Variants in LOXL2 observed in about 807,000 individuals in gnomAD.
LOXL2 encodes lysyl oxidase like 2, also known as lysyl oxidase homolog 2.
LOXL2 carries 70 observed loss-of-function variants against 93.0 expected under a neutral mutation model. That is an observed-to-expected ratio of 0.75 (90% CI 0.62 to 0.92). The LOEUF is 0.92. LOXL2 is among the 40% of genes least tolerant of loss of function. LOXL2 has a pLI of 0.00. For synonymous variants in LOXL2, 438 were observed against 413.2 expected, an observed-to-expected ratio of 1.06 and a Z score of -0.73; for missense variants, 973 against 1,054.9, an observed-to-expected ratio of 0.92 and a Z score of 1.08.
At chr8:23,299,591 G>A (rs901665087) in intron 12 of LOXL2, among the ~76,000 whole-genome samples, 1 of 152,220 alleles carries the variant, frequency 6.6e-6, no homozygotes, top group Non-Finnish European at 1.5e-5. Context: ...GAGAGTGTCT[G>A]TGAGGGAACA....
intron 4 of LOXL2, among the ~76,000 whole-genome samples, chr8:23,337,852 T>TA (rs1171501138): frequency 6.6e-6 from 1 of 152,196 alleles, no homozygotes. Flanking sequence ...AGAGCAGGCC[T>TA]TGGTGAGGAG....
At chr8:23,338,561 C>CAT (rs61063110) in intron 4 of LOXL2, among the ~76,000 whole-genome samples, 2,928 of 152,298 alleles carry the variant, frequency 0.019, 102 homozygotes, top group East Asian at 0.14. Flanking sequence ...TAATTTCCTG[C>CAT]AGAGTGGGCA....
Position 23,297,722 on chromosome 8 carries a change from C to CCGCCGTATCA in LOXL2, c.*320_*321insTGATACGGCG. 2.4e-5 allele frequency: 5 copies of CCGCCGTATCA among 211,646 alleles called. No individual in the cohort carries two copies. Among genetic ancestry groups the CCGCCGTATCA allele is most frequent in the South Asian group, 1.3e-4 (1 of 7,936 alleles). The allele number at this position is 211,646 out of a possible 1,614,324, so 13.1% of individuals were successfully genotyped here. Reference sequence around the variant, plus strand: ...ACTGTGTCTGTGGTGAGCTCGGTGGCTTGAATGGGACAAGCTGATGACAAC... The same window carrying CCGCCGTATCA: ...ACTGTGTCTGTGGTGAGCTCGGTGGCCGCCGTATCATTGAATGGGACAAGCTGATGACAAC... On this transcript the variant is annotated 3_prime_UTR_variant, in exon 14 of 14. Transcript: ENST00000389131.
intron 1 of LOXL2, among the ~76,000 whole-genome samples, chr8:23,398,438 T>C (rs1800120651): frequency 6.6e-6 from 1 of 152,170 alleles, no homozygotes. Flanking sequence ...TAATTAAATA[T>C]AATACTTAAG....
intron 5 of LOXL2, chr8:23,331,335 C>T (rs1803673676): frequency 6.6e-6 from 1 of 152,420 alleles, no homozygotes; most frequent in Non-Finnish European, 1.5e-5. Context: ...GAGCCCTTCT[C>T]CCTCCTCTGG....
chr8:23,384,901 G>A (rs1585381575), intron 1 of LOXL2, among the ~76,000 whole-genome samples: 2 of 152,124 alleles, frequency 1.3e-5, no homozygotes, highest in Non-Finnish European at 1.5e-5. Flanking sequence ...GTGAAACTCC[G>A]TCTCAAGAAA....
At chr8:23,394,158 C>T (rs768078934) in intron 1 of LOXL2, among the ~76,000 whole-genome samples, 7 of 151,998 alleles carry the variant, frequency 4.6e-5, no homozygotes, top group African/African-American at 1.5e-4. Context: ...TTTGGGAGGC[C>T]GAGGTGGGCG....
At chr8:23,322,004 A>T in intron 7 of LOXL2, 126 bp downstream of exon 7, 1 of 1,070,990 alleles carries the variant, frequency 9.3e-7, no homozygotes. Flanking sequence ...TGCAAATGCC[A>T]AGTGGCAATG....
rs150715433 is a variant in LOXL2 at position 23,333,589 on chromosome 8, G to T, written c.778C>A (p.Pro260Thr). 16 of 1,613,684 alleles carry T rather than the reference G, an allele frequency of 9.9e-6. No individual in the cohort carries two copies. Among genetic ancestry groups the T allele is most frequent in the Non-Finnish European group, 1.4e-5 (16 of 1,179,970 alleles). The part of the protein sequence containing the change: ...FASRRKQRYW[P>T]FSMDCTGTEA... Reference sequence around the variant, plus strand: ...GTGCCGGTGCAGTCCATGGAGAATGGCCAGTAGCGCTGCTTCCTCCGTGAG... The same window carrying T: ...GTGCCGGTGCAGTCCATGGAGAATGTCCAGTAGCGCTGCTTCCTCCGTGAG... Residue 260 changes from proline to threonine, a missense_variant, in exon 5 of 14, where the codon CCA (proline) becomes ACA (threonine). Coordinates refer to ENST00000389131, the MANE Select transcript of LOXL2 (RefSeq NM_002318.3).
At chr8:23,315,833 G>A (rs11778916) in intron 9 of LOXL2, among the ~76,000 whole-genome samples, 8,618 of 152,246 alleles carry the variant, frequency 0.057, 562 homozygotes, top group African/African-American at 0.16. Flanking sequence ...ATGCTATCTT[G>A]AATTGTATTT....
chr8:23,377,047 G>A (rs1456787712), intron 1 of LOXL2, among the ~76,000 whole-genome samples: 1 of 152,122 alleles, frequency 6.6e-6, no homozygotes, highest in African/African-American at 2.4e-5. Context: ...GTCAATTTTA[G>A]ATCTTTCCTG....
intron 1 of LOXL2, among the ~76,000 whole-genome samples, chr8:23,377,164 A>C (rs1002774145): frequency 2.0e-4 from 30 of 152,250 alleles, no homozygotes; most frequent in Admixed American, 1.9e-3. Flanking sequence ...GGTTTCAAAG[A>C]ACATCTTTAT....
chr8:23,298,564 G>A (rs1803076654), intron 13 of LOXL2, among the ~76,000 whole-genome samples: 1 of 152,228 alleles, frequency 6.6e-6, no homozygotes, highest in Admixed American at 6.5e-5. Flanking sequence ...TACATAATGA[G>A]CCAGTGGCCT....
intron 3 of LOXL2, among the ~76,000 whole-genome samples, chr8:23,343,907 G>A (rs1214697397): frequency 6.6e-6 from 1 of 152,238 alleles, no homozygotes; most frequent in Non-Finnish European, 1.5e-5. Flanking sequence ...ATTCCAGTGT[G>A]TAACTGTCAT....
intron 8 of LOXL2, among the ~76,000 whole-genome samples, 156 bp downstream of exon 8, chr8:23,319,729 G>C (rs1405803047): frequency 6.6e-6 from 1 of 152,144 alleles, no homozygotes; most frequent in Non-Finnish European, 1.5e-5. Context: ...GCAGCGCTGT[G>C]GCCAGAGCGA....
intron 3 of LOXL2, among the ~76,000 whole-genome samples, chr8:23,346,100 ATAAAATAAAATAAAAT>A (rs1803968987): frequency 2.5e-5 from 2 of 79,910 alleles, no homozygotes; most frequent in South Asian, 8.1e-4. Context: ...ATAAAATAAA[ATAAAATAAAATAAAAT>A]TAAAATAAAA....
At chr8:23,331,642 A>G (rs941167808) in intron 5 of LOXL2, 5 of 152,222 alleles carry the variant, frequency 3.3e-5, no homozygotes, top group African/African-American at 1.2e-4. Flanking sequence ...ATACAGGAAA[A>G]AGGAAGAGGA....
rs1219621037 is a variant in LOXL2 at position 23,380,391 on chromosome 8, C to CAAAAAA, written c.-83-11963_-83-11958dup. On this transcript the variant is annotated intron_variant, in intron 1 of 13. Transcript: ENST00000389131. ...CTCGTGACAGAGCGAGACTCCGTCTCAAAAAAAAAAAAAAAAAAAAGACAT... is the reference window on the plus strand; with the variant it reads ...CTCGTGACAGAGCGAGACTCCGTCTCAAAAAAAAAAAAAAAAAAAAAAAAAAGACAT... Among the ~76,000 whole-genome samples, 96 of 54,256 alleles carry CAAAAAA rather than the reference C, an allele frequency of 1.8e-3. 1 individual carries two copies. The highest frequency in any genetic ancestry group is 4.6e-3 in the African/African-American group (56 of 12,256). 35.6% of individuals were successfully genotyped at this position (54,256 alleles called of 152,430 possible). A position where few individuals can be genotyped will look rare whatever the true frequency, so the allele number is the denominator to read the frequency against.
chr8:23,366,896 G>A (rs1309498379), intron 2 of LOXL2, among the ~76,000 whole-genome samples: 1 of 152,180 alleles, frequency 6.6e-6, no homozygotes, highest in African/African-American at 2.4e-5. Flanking sequence ...GGGGTTCTTA[G>A]CCCAACTTCC....
Sources: allele counts gnomAD v4.1 joint callset (sites outside exome capture counted in the v4.1 genomes callset), GRCh38; gene constraint gnomAD v4.1.1; transcripts MANE v1.5; gene names NCBI Gene and HGNC (gene_info 2026-07-23, HGNC 2026-07-21).